MAGI2: variants seen among roughly 807,000 people sequenced by gnomAD.
MAGI2 encodes membrane-associated guanylate kinase, WW and PDZ domain-containing protein 2.
In MAGI2, 35 loss-of-function variants were observed where a neutral mutation model predicts 133.3. The observed-to-expected ratio is 0.26, with a 90% confidence interval of 0.20 to 0.35. The LOEUF is 0.35. Among genes scored for constraint, MAGI2 ranks in the 10% least tolerant of loss-of-function variants. The probability of loss-of-function intolerance (pLI) is 1.00; values close to 1 mark genes in which losing one functional copy is unlikely to be tolerated. For missense variants in MAGI2, 1,636 were observed against 1,863.4 expected, an observed-to-expected ratio of 0.88 and a Z score of 2.25; for synonymous variants, 729 against 710.6, an observed-to-expected ratio of 1.03 and a Z score of -0.41.
intron 1 of MAGI2, among the ~76,000 whole-genome samples, chr7:79,151,930 T>C (rs1249795479): frequency 6.6e-6 from 1 of 152,128 alleles, no homozygotes; most frequent in Non-Finnish European, 1.5e-5. Context: ...TAGATTGTGA[T>C]AGAACATGAA....
intron 9 of MAGI2, among the ~76,000 whole-genome samples, chr7:78,302,986 C>A (rs1797961132): frequency 6.6e-6 from 1 of 152,156 alleles, no homozygotes; most frequent in Non-Finnish European, 1.5e-5. Flanking sequence ...ATAGAAACAA[C>A]CCTAACTCAA....
chr7:78,294,141 C>T (rs1796999927), intron 9 of MAGI2, among the ~76,000 whole-genome samples: 1 of 151,996 alleles, frequency 6.6e-6, no homozygotes, highest in Non-Finnish European at 1.5e-5. Flanking sequence ...GTAAATATTT[C>T]AATATCATTT....
intron 2 of MAGI2, among the ~76,000 whole-genome samples, chr7:78,925,350 G>A (rs1799613795): frequency 1.3e-5 from 2 of 152,000 alleles, no homozygotes; most frequent in African/African-American, 4.8e-5. Flanking sequence ...ACAGATATTT[G>A]ATATACTTTT....
chr7:78,999,743 C>T (rs1019849900), intron 2 of MAGI2, among the ~76,000 whole-genome samples: 1 of 152,108 alleles, frequency 6.6e-6, no homozygotes, highest in Non-Finnish European at 1.5e-5. Context: ...GCCTCCCAGG[C>T]CAGTTTATAT....
chr7:78,593,110 C>T (rs568837827), intron 3 of MAGI2, among the ~76,000 whole-genome samples: 204 of 139,448 alleles, frequency 1.5e-3, no homozygotes, highest in African/African-American at 5.3e-3. Context: ...CGTGAACCAC[C>T]GCACCTGGCC....
intron 1 of MAGI2, among the ~76,000 whole-genome samples, chr7:79,153,071 C>T (rs149817664): frequency 1.0e-3 from 158 of 152,148 alleles, no homozygotes; most frequent in African/African-American, 3.7e-3. Context: ...AACAAGTATA[C>T]AATGGTAAAT....
chr7:79,027,307 T>C (rs1458663162), intron 1 of MAGI2, among the ~76,000 whole-genome samples: 1 of 150,906 alleles, frequency 6.6e-6, no homozygotes, highest in East Asian at 1.9e-4. Context: ...CATCAACAGG[T>C]GAATGGATAA....
Position 78,416,671 on chromosome 7 carries a change from A to G in MAGI2, c.1046-47458T>C, listed in dbSNP as rs1798333074. On this transcript the variant is annotated intron_variant, in intron 6 of 21. Transcript: ENST00000354212. ...AAATCCATGTGGAATCTTAATCCCC[A>G]TTAAGAGGTTGGGGCCTTTTGGGAA... Among the ~76,000 whole-genome samples, 3 of 152,174 alleles carry G rather than the reference A, an allele frequency of 2.0e-5. No homozygotes were observed. The South Asian group carries it at 6.2e-4, about 31-fold the overall frequency.
intron 2 of MAGI2, among the ~76,000 whole-genome samples, chr7:78,888,647 G>A (rs1003378201): frequency 5.9e-5 from 9 of 152,144 alleles, no homozygotes; most frequent in African/African-American, 1.7e-4. Context: ...AGCAAACTCC[G>A]ACAGACCTGC....
At chr7:78,614,399 T>C (rs137860979) in intron 3 of MAGI2, 2 of 152,268 alleles carry the variant, frequency 1.3e-5, no homozygotes, top group Admixed American at 1.3e-4. Context: ...ACATCAATTT[T>C]AACAATTTGG....
chr7:79,020,885 C>T (rs1454664058), intron 1 of MAGI2, among the ~76,000 whole-genome samples: 1 of 152,176 alleles, frequency 6.6e-6, no homozygotes, highest in East Asian at 1.9e-4. Flanking sequence ...CCATCACAGG[C>T]TCAGAGGCCT....
intron 2 of MAGI2, among the ~76,000 whole-genome samples, chr7:78,887,567 C>G (rs1796364422): frequency 6.6e-6 from 1 of 152,200 alleles, no homozygotes; most frequent in African/African-American, 2.4e-5. Context: ...ATGGCTATAT[C>G]ATCGTAGGTG....
chr7:79,292,770 CAAAA>C (rs199933554), intron 1 of MAGI2, among the ~76,000 whole-genome samples: 279 of 57,292 alleles, frequency 4.9e-3, no homozygotes, highest in Non-Finnish European at 7.8e-3. Flanking sequence ...TCAATTTCTG[CAAAA>C]AAAAAAAAAA....
At position 78,922,644 on chromosome 7, in the gene MAGI2, A is replaced by G. The variant is rs188910458; in HGVS notation, c.418+84446T>C. Among the ~76,000 whole-genome samples, 158 of 152,308 alleles carry G rather than the reference A, an allele frequency of 1.0e-3. 3 individuals are homozygous for G. The East Asian group carries it at 0.029, about 28-fold the overall frequency. On this transcript the variant is annotated intron_variant, in intron 2 of 21. Transcript: ENST00000354212. ...TCTTTGCTATTGTGAATAATGCCGC[A>G]ATAAACATAACTGTGTATGTGTCTT...
intron 3 of MAGI2, among the ~76,000 whole-genome samples, chr7:78,548,126 A>C (rs12705574): frequency 0.75 from 113,228 of 151,926 alleles, 42,524 homozygotes; most frequent in East Asian, 0.85. Context: ...CTATCTAGTC[A>C]AAACTCCCAT....
chr7:78,586,157 C>A (rs117268677), intron 3 of MAGI2, among the ~76,000 whole-genome samples: 4 of 152,248 alleles, frequency 2.6e-5, no homozygotes, highest in African/African-American at 9.6e-5. Context: ...TGAGAGATTG[C>A]GTAAGTAGAT....
intron 1 of MAGI2, among the ~76,000 whole-genome samples, chr7:79,169,352 G>A (rs868397587): frequency 4.6e-5 from 7 of 152,150 alleles, no homozygotes; most frequent in Non-Finnish European, 1.0e-4. Flanking sequence ...AGCATTCAGG[G>A]CAACTGATCT....
chr7:78,983,353 C>A (rs1188916113), intron 2 of MAGI2, among the ~76,000 whole-genome samples: 1 of 151,926 alleles, frequency 6.6e-6, no homozygotes, highest in African/African-American at 2.4e-5. Context: ...AACTACTGTT[C>A]TAAATAAGAC....
chr7:78,172,191 C>T (rs1412349114), intron 14 of MAGI2, among the ~76,000 whole-genome samples: 1 of 152,194 alleles, frequency 6.6e-6, no homozygotes, highest in Non-Finnish European at 1.5e-5. Flanking sequence ...ACAAGTAAGA[C>T]ACACACAAAC....
Sources: allele counts gnomAD v4.1 joint callset (sites outside exome capture counted in the v4.1 genomes callset), GRCh38; gene constraint gnomAD v4.1.1; transcripts MANE v1.5; gene names NCBI Gene and HGNC (gene_info 2026-07-23, HGNC 2026-07-21).